Variants in CNTNAP2 observed in about 807,000 individuals in gnomAD.
CNTNAP2 encodes the protein contactin associated protein 2, also known as contactin-associated protein-like 2.
A neutral mutation model predicts 155.2 loss-of-function variants in CNTNAP2; 98 were observed. That is an observed-to-expected ratio of 0.63 (90% CI 0.54 to 0.75). CNTNAP2 has a LOEUF of 0.75. Among genes scored for constraint, CNTNAP2 ranks in the 30% least tolerant of loss-of-function variants. The probability of loss-of-function intolerance (pLI) is 0.00; values close to 1 mark genes in which losing one functional copy is unlikely to be tolerated. For synonymous variants in CNTNAP2, 651 were observed against 631.2 expected, an observed-to-expected ratio of 1.03 and a Z score of -0.47; for missense variants, 1,727 against 1,688.1, an observed-to-expected ratio of 1.02 and a Z score of -0.40.
rs936272895 is a variant in CNTNAP2 at position 148,363,179 on chromosome 7, C to T, written c.3476-20470C>T. On this transcript the variant is annotated intron_variant, in intron 21 of 23. Coordinates refer to ENST00000361727, the MANE Select transcript of CNTNAP2 (RefSeq NM_014141.6). ...TATTTTTTTAGTAGAGACGGGGTTT[C>T]TCCATGTTGGCCTGGCTGGTCTCAA... Among the ~76,000 whole-genome samples the T allele has an allele frequency of 3.4e-4, 51 of 152,182 alleles. 1 individual carries two copies. Among genetic ancestry groups the T allele is most frequent in the Admixed American group, 2.8e-3 (42 of 15,272 alleles).
chr7:146,484,235 T>C (rs1039873976), intron 1 of CNTNAP2, among the ~76,000 whole-genome samples: 3 of 152,230 alleles, frequency 2.0e-5, no homozygotes, highest in African/African-American at 7.2e-5. Flanking sequence ...TTAAGTATGC[T>C]ATATGATGTT....
At chr7:147,762,994 C>T (rs1797329249) in intron 13 of CNTNAP2, among the ~76,000 whole-genome samples, 1 of 152,126 alleles carries the variant, frequency 6.6e-6, no homozygotes, top group African/African-American at 2.4e-5. Context: ...TGCGATGGCT[C>T]ATGCCTGTAA....
chr7:146,552,488 C>G (rs1798136710), intron 1 of CNTNAP2, among the ~76,000 whole-genome samples: 2 of 152,116 alleles, frequency 1.3e-5, no homozygotes, highest in African/African-American at 4.8e-5. Context: ...TTGGATTTTT[C>G]TCACCTGGAT....
intron 3 of CNTNAP2, among the ~76,000 whole-genome samples, chr7:146,901,470 G>A (rs12216586): frequency 0.36 from 55,246 of 152,026 alleles, 10,573 homozygotes; most frequent in Middle Eastern, 0.42. Flanking sequence ...ATTACACTTT[G>A]TCAATGTTCT....
chr7:146,529,587 A>T (rs1326272013), intron 1 of CNTNAP2, among the ~76,000 whole-genome samples: 1 of 152,144 alleles, frequency 6.6e-6, no homozygotes. Flanking sequence ...GTATTTATGG[A>T]TTAGCTTTTA....
chr7:148,413,401 A>AAAAAAAATATATATAT (rs1442990213), intron 23 of CNTNAP2, among the ~76,000 whole-genome samples: 2 of 45,368 alleles, frequency 4.4e-5, no homozygotes, highest in African/African-American at 2.5e-4. Context: ...TCAAAAAAAA[A>AAAAAAAATATATATAT]ATATATATAT....
At chr7:147,414,941 CA>C (rs67048724) in intron 10 of CNTNAP2, among the ~76,000 whole-genome samples, 4,914 of 50,868 alleles carry the variant, frequency 0.097, 139 homozygotes, top group African/African-American at 0.3. Context: ...GACTCCTTCT[CA>C]AAAAAAAAAA....
At chr7:146,925,771 T>C (rs1345102696) in intron 3 of CNTNAP2, among the ~76,000 whole-genome samples, 1 of 152,128 alleles carries the variant, frequency 6.6e-6, no homozygotes, top group Non-Finnish European at 1.5e-5. Flanking sequence ...AATGTTTACT[T>C]GAGATATAAT....
intron 1 of CNTNAP2, among the ~76,000 whole-genome samples, chr7:146,704,994 T>G (rs1800938830): frequency 6.6e-6 from 1 of 152,164 alleles, no homozygotes; most frequent in African/African-American, 2.4e-5. Context: ...CATCAAATGA[T>G]GACAGTGTCT....
chr7:147,941,388 G>A (rs1800719126), intron 14 of CNTNAP2, among the ~76,000 whole-genome samples: 1 of 152,160 alleles, frequency 6.6e-6, no homozygotes, highest in Non-Finnish European at 1.5e-5. Flanking sequence ...AGGATTCCCA[G>A]TAGCTTTTCT....
rs137895704 is a variant in CNTNAP2 at position 146,131,393 on chromosome 7, G to C, written c.97+14420G>C. On this transcript the variant is annotated intron_variant, in intron 1 of 23. Transcript: ENST00000361727. The stretch of plus-strand genomic sequence containing the variant: ...CAGAGTAAACTGATTACTAAAATCA[G>C]AACACTAATATATTCATTATCTCAC... 7.9e-5 allele frequency among the ~76,000 whole-genome samples: 12 copies of C among 152,230 alleles called. No individual in the cohort carries two copies. In the East Asian group the frequency reaches 2.1e-3, roughly 27 times the overall value.
chr7:146,267,991 A>C (rs1800021825), intron 1 of CNTNAP2, among the ~76,000 whole-genome samples: 2 of 152,184 alleles, frequency 1.3e-5, no homozygotes, highest in Admixed American at 1.3e-4. Context: ...TGGTGGAAGC[A>C]AGAGAAATTA....
intron 2 of CNTNAP2, among the ~76,000 whole-genome samples, chr7:146,805,723 G>T (rs1010726704): frequency 6.6e-6 from 1 of 152,182 alleles, no homozygotes; most frequent in Non-Finnish European, 1.5e-5. Flanking sequence ...TGGAAGAGTT[G>T]TCCAAAGCAA....
chr7:146,552,691 C>T (rs1005008834), intron 1 of CNTNAP2, among the ~76,000 whole-genome samples: 23 of 151,984 alleles, frequency 1.5e-4, no homozygotes, highest in Non-Finnish European at 4.4e-5. Context: ...GTATGAGACC[C>T]CTCTTGGTTT....
chr7:146,518,052 A>G (rs1797566559), intron 1 of CNTNAP2, among the ~76,000 whole-genome samples: 1 of 151,938 alleles, frequency 6.6e-6, no homozygotes, highest in South Asian at 2.1e-4. Context: ...CCCTGGCTGT[A>G]CTAAAGAATA....
chr7:147,153,640 C>T (rs549238317), intron 8 of CNTNAP2, among the ~76,000 whole-genome samples: 17 of 152,102 alleles, frequency 1.1e-4, no homozygotes, highest in South Asian at 4.2e-4. Context: ...AAGTGAATGA[C>T]GAGAGAGTAG....
chr7:147,085,281 G>A (rs962190278), intron 4 of CNTNAP2, among the ~76,000 whole-genome samples: 1 of 152,090 alleles, frequency 6.6e-6, no homozygotes, highest in Non-Finnish European at 1.5e-5. Context: ...TCCAGGCCAC[G>A]GACCTATACT....
At chr7:146,124,905 C>T (rs1387288209) in intron 1 of CNTNAP2, among the ~76,000 whole-genome samples, 4 of 152,216 alleles carry the variant, frequency 2.6e-5, no homozygotes, top group South Asian at 2.1e-4. Flanking sequence ...ACACAATATG[C>T]CAGACAGCCA....
chr7:147,015,037 A>G (rs1798694628), intron 3 of CNTNAP2, among the ~76,000 whole-genome samples: 1 of 152,062 alleles, frequency 6.6e-6, no homozygotes, highest in African/African-American at 2.4e-5. Flanking sequence ...ATTTCAGCAA[A>G]TGTTAACTTT....
Sources: gnomAD v4.1 joint callset for allele counts (sites outside exome capture counted in the v4.1 genomes callset) on GRCh38, gnomAD v4.1.1 for gene constraint, MANE v1.5 for transcripts, NCBI Gene and HGNC (gene_info 2026-07-23, HGNC 2026-07-21) for gene names.